The following RORA variants were observed in gnomAD, a reference collection of about 807,000 sequenced individuals.
RORA encodes the protein RAR related orphan receptor A, also known as nuclear receptor ROR-alpha.
Under a neutral mutation model 69.5 loss-of-function variants are expected in RORA, and 7 were observed. That is an observed-to-expected ratio of 0.10 (90% confidence interval 0.06 to 0.19). RORA has a LOEUF of 0.19. RORA is among the 10% of genes least tolerant of loss of function. The pLI is 1.00. For synonymous variants in RORA, 261 were observed against 240.8 expected (o/e 1.08, Z -0.78); for missense variants, 457 against 663.0 (o/e 0.69, Z 3.41).
At chr15:61,002,646 C>A (rs1894778654) in intron 1 of RORA, among the ~76,000 whole-genome samples, 1 of 152,146 alleles carries the variant, frequency 6.6e-6, no homozygotes, top group Non-Finnish European at 1.5e-5. Flanking sequence ...TCCGAAGTGT[C>A]ATCTAGTCAA....
intron 5 of RORA, among the ~76,000 whole-genome samples, chr15:60,509,621 TGGTAAG>T (rs1232446514): frequency 6.6e-6 from 1 of 152,224 alleles, no homozygotes; most frequent in African/African-American, 2.4e-5. Context: ...CTAGTATTTA[TGGTAAG>T]GTGGAGGCAA....
At chr15:60,839,424 T>C (rs1356243129) in intron 1 of RORA, among the ~76,000 whole-genome samples, 1 of 152,192 alleles carries the variant, frequency 6.6e-6, no homozygotes, top group Non-Finnish European at 1.5e-5. Context: ...TGCATTACTT[T>C]TAATGGCAAA....
intron 1 of RORA, among the ~76,000 whole-genome samples, chr15:61,021,517 G>A (rs1041500469): frequency 6.6e-6 from 1 of 152,136 alleles, no homozygotes; most frequent in South Asian, 2.1e-4. Context: ...TCTAGCAATC[G>A]TACAAGTGAG....
At chr15:60,811,719 T>A (rs1261200676) in intron 1 of RORA, among the ~76,000 whole-genome samples, 1 of 152,200 alleles carries the variant, frequency 6.6e-6, no homozygotes, top group Non-Finnish European at 1.5e-5. Context: ...CACATCTCAA[T>A]TCTCATTTCT....
chr15:61,046,987 C>T lies in RORA; in HGVS notation c.166+182066G>A, dbSNP rs1036374931. ...CATCTTTTGCTCGAAATGGCTGCCT[C>T]GGAGTTCTCAACCGCTGAGGCAGCT... On this transcript the variant is annotated intron_variant, in intron 1 of 10. Transcript: ENST00000335670. Among the ~76,000 whole-genome samples, 9 of 152,364 alleles carry T rather than the reference C, an allele frequency of 5.9e-5. 1 individual carries two copies. In the South Asian group the frequency reaches 1.2e-3, roughly 21 times the overall value.
intron 1 of RORA, among the ~76,000 whole-genome samples, chr15:60,838,883 CACACAT>C (rs375268358): frequency 0.41 from 43,148 of 106,134 alleles, 7,921 homozygotes; most frequent in Middle Eastern, 0.52. Context: ...CACACACACA[CACACAT>C]ATACTTTTTT....
At chr15:60,799,760 C>A (rs1272561555) in intron 1 of RORA, among the ~76,000 whole-genome samples, 1 of 152,094 alleles carries the variant, frequency 6.6e-6, no homozygotes, top group East Asian at 1.9e-4. Context: ...ACACCCATGT[C>A]CCAGAGACTG....
intron 1 of RORA, among the ~76,000 whole-genome samples, chr15:60,785,613 C>G (rs78248991): frequency 6.6e-6 from 1 of 152,204 alleles, no homozygotes; most frequent in Non-Finnish European, 1.5e-5. Context: ...CTAGCTACAT[C>G]TCACATCATG....
At chr15:61,019,753 T>G (rs1895438929) in intron 1 of RORA, among the ~76,000 whole-genome samples, 1 of 152,148 alleles carries the variant, frequency 6.6e-6, no homozygotes, top group African/African-American at 2.4e-5. Context: ...TCTGTGCCAC[T>G]CTCCTAATGA....
At chr15:61,105,507 A>T (rs886553374) in intron 1 of RORA, among the ~76,000 whole-genome samples, 4 of 152,246 alleles carry the variant, frequency 2.6e-5, no homozygotes, top group South Asian at 4.1e-4. Flanking sequence ...GGAATTCAAG[A>T]TTATTTATTA....
chr15:61,009,448 T>C (rs993719113), intron 1 of RORA, among the ~76,000 whole-genome samples: 1 of 152,244 alleles, frequency 6.6e-6, no homozygotes, highest in African/African-American at 2.4e-5. Context: ...AGATGAAAGA[T>C]GTCCACCTTG....
intron 2 of RORA, among the ~76,000 whole-genome samples, chr15:60,552,608 A>G (rs1160615550): frequency 6.6e-6 from 1 of 152,210 alleles, no homozygotes; most frequent in East Asian, 1.9e-4. Context: ...TGTAATATCT[A>G]CTACCCTGGA....
intron 1 of RORA, chr15:60,706,109 GAAGA>G (rs1213066889): frequency 2.6e-5 from 4 of 152,164 alleles, no homozygotes; most frequent in African/African-American, 9.7e-5. Context: ...CCATTGACAA[GAAGA>G]ATCAATTGAG....
intron 1 of RORA, among the ~76,000 whole-genome samples, chr15:60,875,622 C>T (rs1010157804): frequency 6.6e-6 from 1 of 152,184 alleles, no homozygotes; most frequent in Non-Finnish European, 1.5e-5. Context: ...TATGGAGAGG[C>T]ACTTCAGGGA....
At chr15:61,162,184 G>C (rs1019777440) in intron 1 of RORA, among the ~76,000 whole-genome samples, 1 of 152,074 alleles carries the variant, frequency 6.6e-6, no homozygotes, top group African/African-American at 2.4e-5. Flanking sequence ...GATCTGTAAC[G>C]AATGTTCTTT....
At chr15:60,942,435 A>C (rs965010367) in intron 1 of RORA, among the ~76,000 whole-genome samples, 8 of 152,226 alleles carry the variant, frequency 5.3e-5, no homozygotes, top group African/African-American at 1.9e-4. Context: ...TCTATTCATA[A>C]GGCGAATTAT....
chr15:61,039,040 A>C (rs1051217909), intron 1 of RORA: 10 of 152,294 alleles, frequency 6.6e-5, no homozygotes, highest in African/African-American at 2.2e-4. Flanking sequence ...GACTCACGGG[A>C]TATTTGTGAG....
rs954053185 is a variant in RORA, at chr15:60,858,862, C to T, written c.167-180176G>A. ...AATACCCTCAGCTTGGTGCTTCTCC[C>T]GAATCCACATCTCAAACGCTCTAAT... On this transcript the variant is annotated intron_variant, in intron 1 of 10. Coordinates refer to ENST00000335670, the MANE Select transcript of RORA (RefSeq NM_134261.3). 3.3e-5 allele frequency among the ~76,000 whole-genome samples: 5 copies of T among 152,254 alleles called. No homozygotes were observed. In the South Asian group the frequency reaches 6.2e-4, roughly 19 times the overall value.
chr15:60,926,651 T>G (rs1048932126), intron 1 of RORA, among the ~76,000 whole-genome samples: 2 of 152,258 alleles, frequency 1.3e-5, no homozygotes, highest in African/African-American at 4.8e-5. Context: ...TATATGCACA[T>G]GGATGCTCCT....
Sources: gnomAD v4.1 joint callset for allele counts (sites outside exome capture counted in the v4.1 genomes callset) on GRCh38, gnomAD v4.1.1 for gene constraint, MANE v1.5 for transcripts, NCBI Gene and HGNC (gene_info 2026-07-23, HGNC 2026-07-21) for gene names.